The following PDZRN3 variants were observed in gnomAD, a reference collection of about 807,000 sequenced individuals.
PDZRN3 encodes E3 ubiquitin-protein ligase PDZRN3.
In PDZRN3, 38 loss-of-function variants were observed where a neutral mutation model predicts 85.7. The observed-to-expected ratio is 0.44, with a 90% CI of 0.34 to 0.58. PDZRN3 has a LOEUF of 0.58. PDZRN3 is among the 20% of genes least tolerant of loss of function. The probability of loss-of-function intolerance (pLI) is 0.01; values close to 1 mark genes in which losing one functional copy is unlikely to be tolerated. For synonymous variants in PDZRN3, 759 were observed against 638.0 expected (o/e 1.19, Z -2.86); for missense variants, 1,629 against 1,506.4 (o/e 1.08, Z -1.35).
chr3:73,384,720 C>T lies in PDZRN3; in HGVS notation c.1846G>A (p.Gly616Ser), dbSNP rs139110477. Residue 616 changes from glycine to serine, a missense_variant, in exon 10 of 10, where the codon GGC (glycine) becomes AGC (serine). Coordinates refer to ENST00000263666, the MANE Select transcript of PDZRN3 (RefSeq NM_015009.3). ...LTCSQDTLGS[G>S]DLPFSNESFI... ...GACTCGTTGCTGAAGGGCAGGTCGCCGCTGCCCAAGGTGTCCTGGCTGCAG... is the reference window on the plus strand; with the variant it reads ...GACTCGTTGCTGAAGGGCAGGTCGCTGCTGCCCAAGGTGTCCTGGCTGCAG... The T allele has an allele frequency of 2.0e-5, 33 of 1,614,026 alleles. No individual in the cohort carries two copies. The highest frequency in any genetic ancestry group is 1.3e-4 in the African/African-American group (10 of 75,076).
At chr3:73,390,654 T>TGTGTGTGTGTGTGAGA (rs36036904) in intron 6 of PDZRN3, among the ~76,000 whole-genome samples, 3 of 139,964 alleles carry the variant, frequency 2.1e-5, no homozygotes, top group Admixed American at 7.1e-5. Context: ...TGTGTGTGTG[T>TGTGTGTGTGTGTGAGA]GAGAGAGAGA....
chr3:73,607,168 G>C (rs1187226400), intron 2 of PDZRN3, among the ~76,000 whole-genome samples: 2 of 152,156 alleles, frequency 1.3e-5, no homozygotes, highest in Non-Finnish European at 2.9e-5. Flanking sequence ...GTCTTCACAG[G>C]TGAATGCGTG....
At chr3:73,416,890 T>C (rs1349507691) in intron 3 of PDZRN3, among the ~76,000 whole-genome samples, 1 of 139,960 alleles carries the variant, frequency 7.1e-6, no homozygotes, top group Non-Finnish European at 1.5e-5. Flanking sequence ...TTTTTTTTTT[T>C]TTTTTTTTTT....
At chr3:73,514,365 G>C (rs1704220438) in intron 3 of PDZRN3, among the ~76,000 whole-genome samples, 1 of 152,178 alleles carries the variant, frequency 6.6e-6, no homozygotes, top group East Asian at 1.9e-4. Context: ...GTGCATGTGT[G>C]TAACAATAAA....
At chr3:73,422,345 T>G (rs1559670996) in intron 3 of PDZRN3, among the ~76,000 whole-genome samples, 2 of 152,238 alleles carry the variant, frequency 1.3e-5, no homozygotes, top group Non-Finnish European at 2.9e-5. Flanking sequence ...AACCCTCAGC[T>G]GTCTCATCTG....
At chr3:73,537,211 T>C (rs906232832) in intron 3 of PDZRN3, among the ~76,000 whole-genome samples, 2 of 152,160 alleles carry the variant, frequency 1.3e-5, no homozygotes, top group Non-Finnish European at 2.9e-5. Context: ...TGGATCTTCA[T>C]CCTCTTTCCA....
At chr3:73,547,226 T>C (rs1212231823) in intron 3 of PDZRN3, among the ~76,000 whole-genome samples, 1 of 152,208 alleles carries the variant, frequency 6.6e-6, no homozygotes, top group African/African-American at 2.4e-5. Context: ...TCATTTCATT[T>C]CTGTGGTTTT....
chr3:73,427,441 C>T (rs567763846), intron 3 of PDZRN3, among the ~76,000 whole-genome samples: 2 of 152,158 alleles, frequency 1.3e-5, no homozygotes, highest in South Asian at 2.1e-4. Flanking sequence ...CCCACCCCCC[C>T]ACCACCGCCC....
At chr3:73,622,535 C>G (rs147339028) in intron 1 of PDZRN3, among the ~76,000 whole-genome samples, 2 of 152,336 alleles carry the variant, frequency 1.3e-5, no homozygotes, top group Non-Finnish European at 2.9e-5. Flanking sequence ...TGGTTCTCAA[C>G]CTGGGCGACT....
intron 3 of PDZRN3, among the ~76,000 whole-genome samples, chr3:73,474,179 T>C (rs1348996940): frequency 2.0e-5 from 3 of 152,188 alleles, no homozygotes; most frequent in Non-Finnish European, 2.9e-5. Flanking sequence ...CACTGCCACG[T>C]TGATAGGCAC....
intron 3 of PDZRN3, among the ~76,000 whole-genome samples, chr3:73,438,775 TAC>T (rs931209492): frequency 6.6e-6 from 1 of 152,198 alleles, no homozygotes; most frequent in Non-Finnish European, 1.5e-5. Context: ...TCCTTAACAA[TAC>T]ACACACAGCC....
chr3:73,624,709 G>A lies in PDZRN3; in HGVS notation c.117C>T (p.Ala39=), dbSNP rs1702942102. ...GCACCACCCAGGGCAGCACGCAGCC[G>A]GCGCAGAAGACGTGGCCGCACGGCG... ...LTTPCGHVFC[A]GCVLPWVVQE... The change falls in exon 1 of 10, where the codon GCC becomes GCT. Residue 39 remains alanine, a synonymous_variant. Transcript: ENST00000263666. The A allele has an allele frequency of 6.5e-7, 1 of 1,527,964 alleles. No homozygotes were observed. 94.7% of individuals were successfully genotyped at this position (1,527,964 alleles called of 1,614,324 possible).
At chr3:73,494,104 C>T (rs1703826061) in intron 3 of PDZRN3, among the ~76,000 whole-genome samples, 1 of 152,178 alleles carries the variant, frequency 6.6e-6, no homozygotes, top group Non-Finnish European at 1.5e-5. Flanking sequence ...TTGTTTTCTG[C>T]TGAGGCCAAT....
chr3:73,429,844 C>T (rs576998450), intron 3 of PDZRN3, among the ~76,000 whole-genome samples: 5 of 152,240 alleles, frequency 3.3e-5, no homozygotes, highest in South Asian at 2.1e-4. Flanking sequence ...TGTGTTACTC[C>T]GGAGCTCATT....
intron 3 of PDZRN3, among the ~76,000 whole-genome samples, chr3:73,459,591 G>A (rs952673245): frequency 8.5e-5 from 13 of 152,138 alleles, no homozygotes; most frequent in African/African-American, 2.9e-4. Flanking sequence ...ACTTACAAGT[G>A]AGAATGTGTG....
intron 3 of PDZRN3, among the ~76,000 whole-genome samples, chr3:73,460,421 G>A (rs1039201338): frequency 6.6e-6 from 1 of 152,146 alleles, no homozygotes; most frequent in Admixed American, 6.5e-5. Context: ...CAAGCCCAGT[G>A]GCCCCTCATC....
intron 3 of PDZRN3, among the ~76,000 whole-genome samples, chr3:73,533,666 T>A (rs1312239866): frequency 6.6e-6 from 1 of 152,144 alleles, no homozygotes; most frequent in Non-Finnish European, 1.5e-5. Flanking sequence ...CTTTGTGAAG[T>A]CATCAGTTGC....
At chr3:73,555,884 A>G (rs1397222151) in intron 3 of PDZRN3, among the ~76,000 whole-genome samples, 2 of 152,222 alleles carry the variant, frequency 1.3e-5, no homozygotes, top group East Asian at 1.9e-4. Context: ...CCACATCCTT[A>G]TTGTTCTTAC....
chr3:73,558,767 C>A (rs2106823415), intron 3 of PDZRN3, among the ~76,000 whole-genome samples: 1 of 152,340 alleles, frequency 6.6e-6, no homozygotes, highest in East Asian at 1.9e-4. Flanking sequence ...CTGTAATTAA[C>A]TAAATATGCT....
Sources: gnomAD v4.1 joint callset for allele counts (sites outside exome capture counted in the v4.1 genomes callset) on GRCh38, gnomAD v4.1.1 for gene constraint, MANE v1.5 for transcripts, NCBI Gene and HGNC (gene_info 2026-07-23, HGNC 2026-07-21) for gene names.